Variants in PRDM10 observed in about 807,000 individuals in gnomAD.
The protein encoded by PRDM10 is PR/SET domain 10.
In PRDM10, 65 loss-of-function variants were observed where a neutral mutation model predicts 133.1. The observed-to-expected ratio is 0.49, with a 90% CI of 0.40 to 0.60. PRDM10 has a LOEUF of 0.60. PRDM10 is among the 20% of genes least tolerant of loss of function. The pLI is 0.00. For missense variants in PRDM10, 1,137 were observed against 1,507.1 expected (o/e 0.75, Z 4.07); for synonymous variants, 582 against 580.4 (o/e 1.00, Z -0.04).
At chr11:130,000,065 C>T (rs1435476637) in intron 1 of PRDM10, among the ~76,000 whole-genome samples, 9 of 132,498 alleles carry the variant, frequency 6.8e-5, no homozygotes, top group African/African-American at 2.6e-4. Context: ...TTTTTTGAGA[C>T]GGAGTTTCGC....
chr11:129,970,284 A>G (rs777008583), intron 1 of PRDM10, among the ~76,000 whole-genome samples: 1 of 152,244 alleles, frequency 6.6e-6, no homozygotes, highest in African/African-American at 2.4e-5. Flanking sequence ...AATCCTCACA[A>G]TAACTTCTGA....
chr11:129,981,572 C>A (rs548382006), intron 1 of PRDM10, among the ~76,000 whole-genome samples: 1 of 152,202 alleles, frequency 6.6e-6, no homozygotes, highest in South Asian at 2.1e-4. Context: ...TTGCTTTCAA[C>A]GTACAGATGT....
At chr11:129,985,990 C>G (rs1316809248) in intron 1 of PRDM10, among the ~76,000 whole-genome samples, 1 of 151,758 alleles carries the variant, frequency 6.6e-6, no homozygotes, top group Non-Finnish European at 1.5e-5. Flanking sequence ...TGCTTCCGTT[C>G]TTAGTGTACA....
intron 1 of PRDM10, among the ~76,000 whole-genome samples, chr11:129,994,479 A>G (rs1938931837): frequency 6.6e-6 from 1 of 150,874 alleles, no homozygotes; most frequent in African/African-American, 2.4e-5. Flanking sequence ...AAAAAAAAAA[A>G]AAAAGAAACG....
At chr11:129,943,824 C>T (rs1307511342) in intron 6 of PRDM10, among the ~76,000 whole-genome samples, 1 of 151,966 alleles carries the variant, frequency 6.6e-6, no homozygotes, top group African/African-American at 2.4e-5. Context: ...GAAACCTCCT[C>T]TCTACTAAAA....
At chr11:129,944,497 A>G (rs920902257) in intron 6 of PRDM10, among the ~76,000 whole-genome samples, 9 of 150,494 alleles carry the variant, frequency 6.0e-5, no homozygotes, top group Admixed American at 4.6e-4. Flanking sequence ...AGGCAGGAGA[A>G]TGGCGTGAAC....
chr11:129,923,541 G>A lies in PRDM10; in HGVS notation c.1879-138C>T, dbSNP rs1286911079. On this transcript the variant is annotated intron_variant, in intron 12 of 20. Coordinates refer to ENST00000360871, the MANE Select transcript of PRDM10 (RefSeq NM_199437.2). The surrounding 1 kb of genome is among the most constrained non-coding windows in gnomAD (Gnocchi z 4.4). ...ACCCCGCCGAGGAATCCAATCAGAT[G>A]TGATAATTGGCCTCAATAACACATA... 2.3e-6 allele frequency: 2 copies of A among 881,676 alleles called. No homozygotes were observed. The highest frequency in any genetic ancestry group is 3.3e-6 in the Non-Finnish European group (2 of 604,174). The allele number at this position is 881,676 out of a possible 1,614,324, so 54.6% of individuals were successfully genotyped here. A position where few individuals can be genotyped will look rare whatever the true frequency, so the allele number is the denominator to read the frequency against.
intron 17 of PRDM10, among the ~76,000 whole-genome samples, chr11:129,912,472 C>T (rs1178146528): frequency 6.6e-6 from 1 of 152,154 alleles, no homozygotes; most frequent in Non-Finnish European, 1.5e-5. Flanking sequence ...AGGTGAATGG[C>T]CGGGCGCCGT....
intron 13 of PRDM10, among the ~76,000 whole-genome samples, chr11:129,919,294 G>C (rs550316342): frequency 1.3e-5 from 2 of 152,312 alleles, no homozygotes; most frequent in South Asian, 4.1e-4. Context: ...TTGAATCTGG[G>C]AGGTGGAGGC....
chr11:129,987,718 A>G (rs1409397085), intron 1 of PRDM10, among the ~76,000 whole-genome samples: 1 of 152,106 alleles, frequency 6.6e-6, no homozygotes, highest in African/African-American at 2.4e-5. Flanking sequence ...AGGAATGAAG[A>G]CGCCGGGTGT....
At chr11:129,967,786 T>C (rs561157573) in intron 1 of PRDM10, among the ~76,000 whole-genome samples, 8 of 152,270 alleles carry the variant, frequency 5.3e-5, no homozygotes, top group African/African-American at 1.9e-4. Flanking sequence ...AAACCCCTAC[T>C]TTTCCAGCTA....
chr11:129,939,838 G>GT (rs1951150909), intron 7 of PRDM10, among the ~76,000 whole-genome samples: 1 of 152,174 alleles, frequency 6.6e-6, no homozygotes, highest in Non-Finnish European at 1.5e-5. Context: ...TCAAGGATAC[G>GT]TGAGTCAATT....
At chr11:129,991,054 G>A (rs1233670285) in intron 1 of PRDM10, among the ~76,000 whole-genome samples, 1 of 152,156 alleles carries the variant, frequency 6.6e-6, no homozygotes, top group East Asian at 1.9e-4. Context: ...GGCATTTCTT[G>A]AAGTGGAAAA....
At chr11:130,002,147 G>A (rs1188642569) in intron 1 of PRDM10, among the ~76,000 whole-genome samples, 1 of 149,398 alleles carries the variant, frequency 6.7e-6, no homozygotes, top group East Asian at 1.9e-4. Flanking sequence ...CCCGGCGCCC[G>A]GCCCCCAGCC....
chr11:129,915,148 G>A, intron 16 of PRDM10, 130 bp from the exon 17 acceptor site: 2 of 905,480 alleles, frequency 2.2e-6, no homozygotes, highest in Non-Finnish European at 3.3e-6. Context: ...GAGCAACACT[G>A]ACTCTATGCC....
intron 1 of PRDM10, among the ~76,000 whole-genome samples, chr11:129,990,522 CAAAAA>C (rs59217112): frequency 3.3e-4 from 22 of 67,086 alleles, no homozygotes; most frequent in Admixed American, 2.8e-3. Flanking sequence ...ACTTTGTCTC[CAAAAA>C]AAAAAAAAAA....
intron 11 of PRDM10, chr11:129,929,467 T>C (rs1950782700): frequency 1.3e-6 from 2 of 1,531,530 alleles, no homozygotes; most frequent in African/African-American, 1.4e-5. Flanking sequence ...ACATTACCAA[T>C]TGGATTGGAA....
At chr11:129,996,754 TGACC>T (rs1939085652) in intron 1 of PRDM10, among the ~76,000 whole-genome samples, 1 of 152,220 alleles carries the variant, frequency 6.6e-6, no homozygotes, top group Non-Finnish European at 1.5e-5. Flanking sequence ...AAGACCAGTT[TGACC>T]GAAGTGGCGG....
chr11:129,933,960 G>A (rs1335105756), intron 9 of PRDM10, among the ~76,000 whole-genome samples: 1 of 152,106 alleles, frequency 6.6e-6, no homozygotes, highest in African/African-American at 2.4e-5. Context: ...TCAGCCACGC[G>A]AGCATCTCCA....
Sources: allele counts gnomAD v4.1 joint callset (sites outside exome capture counted in the v4.1 genomes callset), GRCh38; gene constraint gnomAD v4.1.1; non-coding constraint Gnocchi (gnomAD v3.1); transcripts MANE v1.5; gene names NCBI Gene and HGNC (gene_info 2026-07-23, HGNC 2026-07-21).